Variants in RORA observed in about 807,000 individuals in gnomAD.
The protein encoded by RORA is nuclear receptor ROR-alpha.
Under a neutral mutation model 69.5 loss-of-function variants are expected in RORA, and 7 were observed. That is an observed-to-expected ratio of 0.10 (90% CI 0.06 to 0.19). RORA has a LOEUF of 0.19. Ranked by LOEUF, RORA falls within the 10% of genes least tolerant of loss-of-function variation. The pLI, the probability that RORA is intolerant of heterozygous loss-of-function variation, is 1.00. For missense variants in RORA, 457 were observed against 663.0 expected (o/e 0.69, Z 3.41); for synonymous variants, 261 against 240.8 (o/e 1.08, Z -0.78).
At chr15:60,906,588 C>T (rs1891548874) in intron 1 of RORA, among the ~76,000 whole-genome samples, 1 of 152,140 alleles carries the variant, frequency 6.6e-6, no homozygotes, top group Non-Finnish European at 1.5e-5. Flanking sequence ...GCTTAATGCC[C>T]TCTGTGGTCT....
intron 1 of RORA, among the ~76,000 whole-genome samples, chr15:60,709,145 A>G (rs2071108991): frequency 6.6e-6 from 1 of 152,220 alleles, no homozygotes. Context: ...GTGGGATTCT[A>G]CAATATAACA....
intron 2 of RORA, among the ~76,000 whole-genome samples, chr15:60,616,891 T>C (rs142638959): frequency 1.9e-4 from 29 of 152,308 alleles, no homozygotes; most frequent in African/African-American, 6.3e-4. Context: ...CGTCTACCTC[T>C]ATAAGTAACA....
chr15:60,524,429 T>C (rs1231499185), intron 3 of RORA, among the ~76,000 whole-genome samples: 2 of 152,318 alleles, frequency 1.3e-5, no homozygotes. Context: ...AGTCATAGAA[T>C]GACCAAGCGT....
At chr15:60,783,578 C>T (rs775576354) in intron 1 of RORA, among the ~76,000 whole-genome samples, 9 of 152,294 alleles carry the variant, frequency 5.9e-5, no homozygotes, top group South Asian at 2.1e-4. Context: ...ACCAAGATCA[C>T]GCTGGATACA....
intron 2 of RORA, among the ~76,000 whole-genome samples, chr15:60,651,013 C>T (rs339996): frequency 0.63 from 95,018 of 151,940 alleles, 30,548 homozygotes; most frequent in East Asian, 0.82. Context: ...CCTTCCAATA[C>T]GCCACACAGC....
intron 1 of RORA, among the ~76,000 whole-genome samples, chr15:60,997,651 A>G (rs921832096): frequency 1.3e-5 from 2 of 152,232 alleles, no homozygotes; most frequent in Admixed American, 6.5e-5. Context: ...GCACCCATGT[A>G]TATCTTCCAC....
chr15:60,506,585 G>T (rs2065509898), intron 5 of RORA, among the ~76,000 whole-genome samples: 1 of 152,214 alleles, frequency 6.6e-6, no homozygotes, highest in Admixed American at 6.5e-5. Flanking sequence ...GGGTGTGGTG[G>T]CTCACGCCTG....
At chr15:60,782,806 C>A (rs1171994032) in intron 1 of RORA, among the ~76,000 whole-genome samples, 1 of 152,178 alleles carries the variant, frequency 6.6e-6, no homozygotes, top group African/African-American at 2.4e-5. Context: ...GGTAACATTT[C>A]AGTTTTCGGA....
intron 1 of RORA, among the ~76,000 whole-genome samples, chr15:61,216,651 A>C (rs1473379133): frequency 1.3e-5 from 2 of 152,182 alleles, no homozygotes. Context: ...GCCAGAGGGC[A>C]GTACAAGAAT....
chr15:60,893,612 A>AT (rs1337500461), intron 1 of RORA, among the ~76,000 whole-genome samples: 1 of 152,100 alleles, frequency 6.6e-6, no homozygotes, highest in Non-Finnish European at 1.5e-5. Flanking sequence ...TTTTTAAAAA[A>AT]TTTTAAATTT....
chr15:61,070,496 G>A (rs573754296), intron 1 of RORA, among the ~76,000 whole-genome samples: 2 of 152,348 alleles, frequency 1.3e-5, no homozygotes, highest in Admixed American at 6.5e-5. Flanking sequence ...TCACCACTGT[G>A]AGGATGCAGA....
chr15:60,721,658 A>T (rs1378809104), intron 1 of RORA, among the ~76,000 whole-genome samples: 8 of 152,258 alleles, frequency 5.3e-5, no homozygotes, highest in Non-Finnish European at 1.0e-4. Flanking sequence ...TAATGGCTGG[A>T]AAACTTATTT....
chr15:60,957,288 T>C (rs2140339549), intron 1 of RORA, among the ~76,000 whole-genome samples: 1 of 152,360 alleles, frequency 6.6e-6, no homozygotes, highest in South Asian at 2.1e-4. Context: ...TCAGCCCACA[T>C]TCTCACTGCA....
At chr15:60,506,221 CG>C (rs1289063026) in intron 5 of RORA, among the ~76,000 whole-genome samples, 1 of 151,724 alleles carries the variant, frequency 6.6e-6, no homozygotes, top group African/African-American at 2.4e-5. Context: ...TGTGTGATCT[CG>C]GGTATGTTAT....
rs541661140 is a variant in RORA at position 60,645,601 on chromosome 15, C to T, written c.196+33056G>A. ...AAAGACGGGGTTTCACCGTGTTGCCCAGGCTGGTCTCGAACTCCTGGCCTC... is the reference window on the plus strand; with the variant it reads ...AAAGACGGGGTTTCACCGTGTTGCCTAGGCTGGTCTCGAACTCCTGGCCTC... On this transcript the variant is annotated intron_variant, in intron 2 of 10. Coordinates refer to ENST00000335670, the MANE Select transcript of RORA (RefSeq NM_134261.3). Among the ~76,000 whole-genome samples the T allele has an allele frequency of 4.3e-4, 65 of 152,116 alleles. 1 individual carries two copies. The South Asian group carries it at 5.6e-3, about 13-fold the overall frequency.
chr15:60,959,511 TTAAAA>T (rs1893357514), intron 1 of RORA, among the ~76,000 whole-genome samples: 1 of 152,162 alleles, frequency 6.6e-6, no homozygotes, highest in Admixed American at 6.5e-5. Flanking sequence ...TCCAGGAGCC[TTAAAA>T]TAAAAGGGTT....
At chr15:60,567,703 G>T (rs994441326) in intron 2 of RORA, among the ~76,000 whole-genome samples, 1 of 152,014 alleles carries the variant, frequency 6.6e-6, no homozygotes, top group Non-Finnish European at 1.5e-5. Context: ...GAGCCACCAG[G>T]CCCAGCCGAT....
At chr15:61,090,236 T>A (rs905548252) in intron 1 of RORA, among the ~76,000 whole-genome samples, 2 of 152,212 alleles carry the variant, frequency 1.3e-5, no homozygotes, top group African/African-American at 4.8e-5. Flanking sequence ...TGAATCACTT[T>A]CAAGACCTTG....
chr15:60,679,098 A>G (rs996397290), intron 1 of RORA, among the ~76,000 whole-genome samples: 2 of 151,734 alleles, frequency 1.3e-5, no homozygotes, highest in Non-Finnish European at 2.9e-5. Context: ...TTAATTTGCT[A>G]TGGCCATTGG....
Sources: gnomAD v4.1 joint callset for allele counts (sites outside exome capture counted in the v4.1 genomes callset) on GRCh38, gnomAD v4.1.1 for gene constraint, MANE v1.5 for transcripts, NCBI Gene and HGNC (gene_info 2026-07-23, HGNC 2026-07-21) for gene names.